DCLK1: variants seen among roughly 807,000 people sequenced by gnomAD.
DCLK1 encodes doublecortin like kinase 1, also known as serine/threonine-protein kinase DCLK1.
Under a neutral mutation model 86.2 loss-of-function variants are expected in DCLK1, and 16 were observed. The observed-to-expected ratio is 0.19, with a 90% confidence interval of 0.13 to 0.28. The LOEUF (loss-of-function observed/expected upper bound fraction) is 0.28. Ranked by LOEUF, DCLK1 falls within the 10% of genes least tolerant of loss-of-function variation. The pLI, the probability that DCLK1 is intolerant of heterozygous loss-of-function variation, is 1.00. For missense variants in DCLK1, 590 were observed against 940.2 expected, an observed-to-expected ratio of 0.63 and a Z score of 4.87; for synonymous variants, 369 against 370.5, an observed-to-expected ratio of 1.00 and a Z score of 0.05.
chr13:35,966,035 GA>G (rs1331740324), intron 3 of DCLK1, among the ~76,000 whole-genome samples: 1 of 152,138 alleles, frequency 6.6e-6, no homozygotes, highest in Non-Finnish European at 1.5e-5. Flanking sequence ...CAAGAAACAT[GA>G]AAAAACTTTT....
intron 5 of DCLK1, among the ~76,000 whole-genome samples, chr13:35,870,051 G>A (rs1872157821): frequency 6.6e-6 from 1 of 152,140 alleles, no homozygotes; most frequent in Non-Finnish European, 1.5e-5. Context: ...CATGAGCAGT[G>A]TCATACTAAG....
At chr13:36,059,427 A>G (rs1449254878) in intron 3 of DCLK1, among the ~76,000 whole-genome samples, 1 of 152,206 alleles carries the variant, frequency 6.6e-6, no homozygotes, top group Non-Finnish European at 1.5e-5. Context: ...AGCAGTTTAT[A>G]AGGCACTATT....
intron 15 of DCLK1, among the ~76,000 whole-genome samples, chr13:35,799,706 A>G (rs1182371972): frequency 6.6e-6 from 1 of 152,204 alleles, no homozygotes; most frequent in Non-Finnish European, 1.5e-5. Context: ...TATATTTAAA[A>G]TATCACAATG....
intron 4 of DCLK1, among the ~76,000 whole-genome samples, chr13:35,944,206 T>G (rs570069070): frequency 6.6e-5 from 10 of 152,196 alleles, no homozygotes; most frequent in Non-Finnish European, 1.0e-4. Context: ...TAGCAGTAAT[T>G]AGAGGGATGT....
At chr13:35,987,675 G>A (rs549494262) in intron 3 of DCLK1, among the ~76,000 whole-genome samples, 3 of 152,032 alleles carry the variant, frequency 2.0e-5, no homozygotes, top group Admixed American at 1.3e-4. Context: ...GTCTTTTCAC[G>A]GATGAAATGG....
At chr13:35,933,181 G>A (rs1668609474) in intron 4 of DCLK1, among the ~76,000 whole-genome samples, 1 of 152,216 alleles carries the variant, frequency 6.6e-6, no homozygotes, top group Non-Finnish European at 1.5e-5. Flanking sequence ...TGATGCAAGA[G>A]GTGGGTTCCC....
chr13:36,128,353 G>C (rs1210998216), intron 1 of DCLK1, among the ~76,000 whole-genome samples: 1 of 152,116 alleles, frequency 6.6e-6, no homozygotes, highest in Non-Finnish European at 1.5e-5. Context: ...AATTATAACT[G>C]AGGGGTTGAG....
chr13:36,108,084 A>G (rs1255130287), intron 3 of DCLK1, among the ~76,000 whole-genome samples: 1 of 152,104 alleles, frequency 6.6e-6, no homozygotes, highest in African/African-American at 2.4e-5. Flanking sequence ...TTAAAAAAAA[A>G]AAAAATGCAT....
intron 6 of DCLK1, 43 bp downstream of exon 6, chr13:35,854,456 G>T (rs767047680): frequency 6.6e-7 from 1 of 1,519,034 alleles, no homozygotes; most frequent in South Asian, 1.3e-5. Context: ...TCTGCACCAA[G>T]GCTGAGACAG....
At chr13:35,906,416 A>G (rs912840235) in intron 4 of DCLK1, among the ~76,000 whole-genome samples, 1 of 152,164 alleles carries the variant, frequency 6.6e-6, no homozygotes, top group Admixed American at 6.5e-5. Flanking sequence ...TAAGAAATAA[A>G]TTTAAAGAGC....
intron 6 of DCLK1, chr13:35,850,753 C>T (rs1020479852): frequency 1.7e-5 from 27 of 1,601,968 alleles, no homozygotes; most frequent in East Asian, 2.3e-5. Context: ...CCAAGTCATC[C>T]GAAGAGAGGG....
Position 35,947,417 on chromosome 13 carries a change from A to G in DCLK1, c.764T>C (p.Phe255Ser). The G allele has an allele frequency of 6.2e-7, 1 of 1,614,010 alleles. No homozygotes were observed. ...GAACTTCTCCGGTCCACATGCAATAAAAATGTCATCATCACCAAAAAAGTC... is the reference window on the plus strand; with the variant it reads ...GAACTTCTCCGGTCCACATGCAATAGAAATGTCATCATCACCAAAAAAGTC... Reference protein sequence around the residue: ...LQDFFGDDDIFIACGPEKFRY... With the variant: ...LQDFFGDDDISIACGPEKFRY... The change falls in exon 4 of 17, where the codon TTT becomes TCT. Residue 255 changes from phenylalanine to serine, a missense_variant. Physicochemically the swap from Phe to Ser is radical, Grantham distance 155. This residue lies in a region of DCLK1 where 195 missense variants were observed against 365.1 expected (regional missense o/e 0.53). Coordinates refer to ENST00000360631, the MANE Select transcript of DCLK1 (RefSeq NM_001330071.2).
rs764457570 is a variant in DCLK1 at position 36,125,791 on chromosome 13, T to C, written c.347A>G (p.Lys116Arg). 6.2e-7 allele frequency: 1 copy of C among 1,614,094 alleles called. No individual in the cohort carries two copies. The highest frequency in any genetic ancestry group is 8.5e-7 in the Non-Finnish European group (1 of 1,179,938). ...CACCAGTTGGTCCAGGCTGGAAATC[T>C]TCTTGAGCCCATCAATGGTGTAGAT... The part of the protein sequence containing the change: ...RTIYTIDGLK[K>R]ISSLDQLVEG... Residue 116 changes from lysine to arginine, a missense_variant, in exon 2 of 17, where the codon AAG (lysine) becomes AGG (arginine). By Grantham distance (26) the Lys-to-Arg change is conservative. Transcript: ENST00000360631.
In DCLK1 at chr13:35,852,315, C is replaced by T. The variant is rs1008797668; in HGVS notation, c.1035+2184G>A. 3.9e-5 allele frequency among the ~76,000 whole-genome samples: 6 copies of T among 152,242 alleles called. No homozygotes were observed. The East Asian group carries it at 1.2e-3, about 29-fold the overall frequency. ...ATTATTTGATGCAGTTGCCTATATG[C>T]CAAGATGAAAGCTCCTCTGGCTAAA... On this transcript the variant is annotated intron_variant, in intron 6 of 16. Transcript: ENST00000360631.
At chr13:35,884,831 G>T (rs924648158) in intron 4 of DCLK1, among the ~76,000 whole-genome samples, 3 of 152,160 alleles carry the variant, frequency 2.0e-5, no homozygotes, top group African/African-American at 7.2e-5. Context: ...ATTCACAGAA[G>T]GTAAGGGTAC....
At position 35,994,086 on chromosome 13, in the gene DCLK1, G is replaced by A. The variant is rs575400875; in HGVS notation, c.724-46629C>T. ...ATGAGCCCTTTGAAAAAAAGAAAAG[G>A]GGAAAAGTAACATGCAGCTTCCAAA... is the stretch of plus-strand genomic sequence containing the variant. On this transcript the variant is annotated intron_variant, in intron 3 of 16. Transcript: ENST00000360631. Among the ~76,000 whole-genome samples, 21 of 144,044 alleles carry A rather than the reference G, an allele frequency of 1.5e-4. No individual in the cohort carries two copies. The South Asian group carries it at 4.8e-3, about 33-fold the overall frequency. 94.5% of individuals were successfully genotyped at this position (144,044 alleles called of 152,430 possible).
chr13:36,037,168 C>T (rs76180530), intron 3 of DCLK1, among the ~76,000 whole-genome samples: 3,572 of 151,972 alleles, frequency 0.024, 43 homozygotes, highest in South Asian at 0.059. Flanking sequence ...CCTGTTCTCT[C>T]TCATATGTGG....
intron 8 of DCLK1, among the ~76,000 whole-genome samples, chr13:35,834,093 A>C (rs1317176689): frequency 1.3e-5 from 2 of 152,218 alleles, no homozygotes; most frequent in Non-Finnish European, 2.9e-5. Flanking sequence ...CAGACTTAAC[A>C]GATGATAGAT....
intron 8 of DCLK1, among the ~76,000 whole-genome samples, chr13:35,835,215 G>GAAAGGTGACAGGGAAGTGTGT (rs1869268873): frequency 6.6e-6 from 1 of 152,170 alleles, no homozygotes; most frequent in South Asian, 2.1e-4. Context: ...TGCGGGCAGA[G>GAAAGGTGACAGGGAAGTGTGT]AAAGGTGACA....
Sources: gnomAD v4.1 joint callset for allele counts (sites outside exome capture counted in the v4.1 genomes callset) on GRCh38, gnomAD v4.1.1 for gene constraint, gnomAD v4.1.1 regional missense constraint, MANE v1.5 for transcripts, NCBI Gene and HGNC (gene_info 2026-07-23, HGNC 2026-07-21) for gene names.